The following GALNT14 variants were observed in gnomAD, a reference collection of about 807,000 sequenced individuals.
The protein encoded by GALNT14 is polypeptide N-acetylgalactosaminyltransferase 14.
In GALNT14, 60 loss-of-function variants were observed where a neutral mutation model predicts 77.5. That is an observed-to-expected ratio of 0.77 (90% CI 0.63 to 0.96). The LOEUF is 0.96. GALNT14 is among the 40% of genes least tolerant of loss of function. The pLI is 0.00. For synonymous variants in GALNT14, 280 were observed against 281.7 expected, an observed-to-expected ratio of 0.99 and a Z score of 0.06; for missense variants, 710 against 731.0, an observed-to-expected ratio of 0.97 and a Z score of 0.33.
chr2:30,898,162 G>A, the GALNT14 span, among the ~76,000 whole-genome samples: 1 of 152,166 alleles, frequency 6.6e-6, no homozygotes, highest in Non-Finnish European at 1.5e-5. Context: ...TCTCGTCCTC[G>A]TTTTGCCAAG....
intron 1 of GALNT14, among the ~76,000 whole-genome samples, chr2:31,110,842 G>A (rs1205922994): frequency 2.0e-5 from 3 of 152,100 alleles, no homozygotes; most frequent in Non-Finnish European, 2.9e-5. Flanking sequence ...CTAGATTCAC[G>A]TGAAACCATT....
rs1002582670 is a variant in GALNT14, at chr2:31,138,082, C to G, written c.5G>C (p.Arg2Pro). 6.2e-6 allele frequency: 10 copies of G among 1,613,572 alleles called. No individual in the cohort carries two copies. The South Asian group carries it at 7.7e-5, about 12-fold the overall frequency. M[R>P]RLTRRLVLPV... ...CAGAACCAGCCGACGAGTCAGGCGCCGCATGGTCCCCTTTGCCGCTTCCTC... is the reference window on the plus strand; with the variant it reads ...CAGAACCAGCCGACGAGTCAGGCGCGGCATGGTCCCCTTTGCCGCTTCCTC... Residue 2 changes from arginine (R) to proline (P), a missense_variant, in exon 1 of 15, where the codon CGG becomes CCG. Transcript: ENST00000349752.
intron 2 of GALNT14, among the ~76,000 whole-genome samples, chr2:30,976,614 T>TGC (rs1238482050): frequency 7.0e-6 from 1 of 143,070 alleles, no homozygotes; most frequent in African/African-American, 3.0e-5. Context: ...TGCGTGTGCG[T>TGC]GTGTGTATGT....
chr2:31,089,703 CTGTTT>C (rs937693807), intron 1 of GALNT14, among the ~76,000 whole-genome samples: 6 of 152,076 alleles, frequency 3.9e-5, no homozygotes, highest in African/African-American at 1.4e-4. Flanking sequence ...AGAGGGCTTT[CTGTTT>C]TATTTTTAAT....
chr2:31,074,633 T>C (rs1675641385), intron 1 of GALNT14, among the ~76,000 whole-genome samples: 1 of 152,092 alleles, frequency 6.6e-6, no homozygotes, highest in Non-Finnish European at 1.5e-5. Flanking sequence ...GTGGCTACTA[T>C]ACTTGTTCTT....
intron 1 of GALNT14, among the ~76,000 whole-genome samples, chr2:31,091,391 T>A (rs1359878068): frequency 6.6e-6 from 1 of 152,258 alleles, no homozygotes; most frequent in Non-Finnish European, 1.5e-5. Flanking sequence ...GCTGAGTGGT[T>A]GTGACAGAGA....
At chr2:30,894,192 C>T in the GALNT14 span, among the ~76,000 whole-genome samples, 1 of 152,168 alleles carries the variant, frequency 6.6e-6, no homozygotes, top group Admixed American at 6.5e-5. Context: ...CAGGATAACA[C>T]CACCTTCCTC....
At chr2:31,136,816 T>C (rs1464355551) in intron 1 of GALNT14, among the ~76,000 whole-genome samples, 2 of 152,156 alleles carry the variant, frequency 1.3e-5, no homozygotes. Context: ...AACAAGCATA[T>C]TACCACCCAA....
intron 13 of GALNT14, among the ~76,000 whole-genome samples, chr2:30,920,110 A>G (rs1339137134): frequency 6.6e-6 from 1 of 152,154 alleles, no homozygotes; most frequent in Non-Finnish European, 1.5e-5. Context: ...ACCTGATTAC[A>G]CTTGTCTAAA....
intron 6 of GALNT14, among the ~76,000 whole-genome samples, chr2:30,952,760 T>TA (rs397800006): frequency 0.23 from 30,433 of 131,746 alleles, 3,061 homozygotes; most frequent in South Asian, 0.28. Flanking sequence ...TAAAGCATAA[T>TA]AAAAAAAAAA....
intron 1 of GALNT14, among the ~76,000 whole-genome samples, chr2:31,090,324 G>C (rs1279978304): frequency 6.6e-6 from 1 of 152,138 alleles, no homozygotes; most frequent in East Asian, 1.9e-4. Context: ...TGGGACTGGA[G>C]CTGCATCTGA....
chr2:30,969,597 C>T (rs574023133), intron 2 of GALNT14, among the ~76,000 whole-genome samples: 2 of 152,254 alleles, frequency 1.3e-5, no homozygotes, highest in African/African-American at 2.4e-5. Flanking sequence ...AAGATGGCTT[C>T]GTGGAGGAGG....
At chr2:30,931,005 C>G (rs1403581592) in intron 10 of GALNT14, among the ~76,000 whole-genome samples, 1 of 152,252 alleles carries the variant, frequency 6.6e-6, no homozygotes, top group Non-Finnish European at 1.5e-5. Context: ...GGCCACATGG[C>G]TCCTGCAGAG....
chr2:31,087,869 G>T (rs1228997101), intron 1 of GALNT14, among the ~76,000 whole-genome samples: 1 of 152,154 alleles, frequency 6.6e-6, no homozygotes, highest in African/African-American at 2.4e-5. Context: ...GAGGTGATAA[G>T]GTCATTATGA....
intron 1 of GALNT14, among the ~76,000 whole-genome samples, chr2:31,018,229 G>A (rs541305627): frequency 1.6e-4 from 25 of 152,390 alleles, no homozygotes; most frequent in African/African-American, 3.1e-4. Flanking sequence ...AGCCAGCTCC[G>A]AAGGACTTGA....
intron 1 of GALNT14, among the ~76,000 whole-genome samples, chr2:31,016,708 G>A (rs563217516): frequency 5.9e-5 from 9 of 152,186 alleles, no homozygotes; most frequent in Admixed American, 2.0e-4. Context: ...TCTTCTCCAA[G>A]GCTCCCCTTG....
At chr2:31,118,641 C>G (rs988227647) in intron 1 of GALNT14, among the ~76,000 whole-genome samples, 2 of 152,080 alleles carry the variant, frequency 1.3e-5, no homozygotes, top group Non-Finnish European at 2.9e-5. Context: ...CCATTTGCAT[C>G]AAAATCAAGA....
At chr2:31,080,688 T>A (rs1260778222) in intron 1 of GALNT14, among the ~76,000 whole-genome samples, 2 of 152,250 alleles carry the variant, frequency 1.3e-5, no homozygotes, top group Non-Finnish European at 2.9e-5. Context: ...TTGTGACCTG[T>A]GCAAGTCACT....
chr2:31,049,773 C>A (rs1352470207), intron 1 of GALNT14, among the ~76,000 whole-genome samples: 1 of 152,224 alleles, frequency 6.6e-6, no homozygotes, highest in Admixed American at 6.5e-5. Context: ...TTCTGCTCAG[C>A]CCTTCCTCAC....
Sources: gnomAD v4.1 joint callset for allele counts (sites outside exome capture counted in the v4.1 genomes callset) on GRCh38, gnomAD v4.1.1 for gene constraint, MANE v1.5 for transcripts, NCBI Gene and HGNC (gene_info 2026-07-23, HGNC 2026-07-21) for gene names.